C1orf105: variants seen among roughly 807,000 people sequenced by gnomAD.
C1orf105 encodes chromosome 1 open reading frame 105.
Under a neutral mutation model 20.8 loss-of-function variants are expected in C1orf105, and 17 were observed. That is an observed-to-expected ratio of 0.82 (90% confidence interval 0.56 to 1.23). C1orf105 has a LOEUF of 1.23. Ranked by LOEUF, C1orf105 falls within the 50% of genes most tolerant of loss-of-function variation. The pLI is 0.00. For missense variants in C1orf105, 219 were observed against 213.5 expected (o/e 1.03, Z -0.16); for synonymous variants, 72 against 72.1 (o/e 1.00, Z 0.01).
chr1:172,424,227 C>G (rs1374884991), intron 1 of C1orf105, among the ~76,000 whole-genome samples: 1 of 152,216 alleles, frequency 6.6e-6, no homozygotes, highest in Non-Finnish European at 1.5e-5. Context: ...CCTAAGCAAG[C>G]CGCAGAAGAC....
At chr1:172,465,742 C>T (rs1650002163) in intron 6 of C1orf105, 2 of 456,846 alleles carry the variant, frequency 4.4e-6, no homozygotes, top group Non-Finnish European at 8.8e-6. Flanking sequence ...TCAGAGCGGC[C>T]TCACCAAGGC....
chr1:172,450,543 C>A (rs1648509673), intron 3 of C1orf105, among the ~76,000 whole-genome samples: 1 of 152,344 alleles, frequency 6.6e-6, no homozygotes, highest in Non-Finnish European at 1.5e-5. Flanking sequence ...TGGACAGGAT[C>A]TCTTCCTTCA....
chr1:172,433,858 C>A (rs1339905020), intron 1 of C1orf105, among the ~76,000 whole-genome samples: 1 of 152,098 alleles, frequency 6.6e-6, no homozygotes, highest in African/African-American at 2.4e-5. Flanking sequence ...TCAGGAGACC[C>A]ATCTCACGTG....
At chr1:172,424,513 C>T (rs2071674865) in intron 1 of C1orf105, among the ~76,000 whole-genome samples, 2 of 152,182 alleles carry the variant, frequency 1.3e-5, no homozygotes, top group Admixed American at 6.5e-5. Context: ...GCCTCAGCCT[C>T]CAGAGTAGCT....
chr1:172,448,478 A>G lies in C1orf105; in HGVS notation c.145A>G (p.Lys49Glu), dbSNP rs372341692. The change falls in exon 3 of 7, where the codon AAG becomes GAG. Residue 49 changes from lysine (K) to glutamate (E), a missense_variant. By Grantham distance (56) the Lys-to-Glu change is moderately conservative. Coordinates refer to ENST00000367727, the MANE Select transcript of C1orf105 (RefSeq NM_139240.4). ...CTCTGCGACTTTTCTGACTTCATCC[A>G]AGAAGAATATGAATTTGCCAATTTT... ...HTSATFLTSSKKNMNLPILFQ... is the reference protein window; with the variant it reads ...HTSATFLTSSEKNMNLPILFQ... 1.1e-5 allele frequency: 17 copies of G among 1,613,444 alleles called. No homozygotes were observed. Among genetic ancestry groups the G allele is most frequent in the African/African-American group, 5.3e-5 (4 of 74,912 alleles).
At chr1:172,467,811 T>C (rs1650169118) in intron 6 of C1orf105, among the ~76,000 whole-genome samples, 1 of 152,224 alleles carries the variant, frequency 6.6e-6, no homozygotes, top group Non-Finnish European at 1.5e-5. Context: ...TTTCATGCAC[T>C]GGTTTACCCC....
In C1orf105 at chr1:172,456,440, T is replaced by C. The variant is rs1400326195; in HGVS notation, c.224T>C (p.Met75Thr). The C allele has an allele frequency of 1.9e-6, 3 of 1,613,456 alleles. No homozygotes were observed. The highest frequency in any genetic ancestry group is 1.3e-5 in the African/African-American group (1 of 74,948). ...GCCAGGAGGAACCAGTGTGACTCCA[T>C]GCTGCTCAGAAACCAACAGCTGTGC... ...SKARRNQCDSMLLRNQQLCST... is the reference protein window; with the variant it reads ...SKARRNQCDSTLLRNQQLCST... Residue 75 changes from methionine to threonine, a missense_variant, in exon 4 of 7, where the codon ATG becomes ACG. Physicochemically the swap from Met to Thr is moderately conservative, Grantham distance 81. Transcript: ENST00000367727.
At chr1:172,450,731 C>G (rs1219921941) in intron 3 of C1orf105, among the ~76,000 whole-genome samples, 1 of 152,172 alleles carries the variant, frequency 6.6e-6, no homozygotes, top group Non-Finnish European at 1.5e-5. Flanking sequence ...CGGAGCAGCC[C>G]CGTGCCTGAG....
chr1:172,464,044 A>G (rs1044344074), intron 5 of C1orf105, among the ~76,000 whole-genome samples: 1 of 151,988 alleles, frequency 6.6e-6, no homozygotes. Context: ...AAATGGAATT[A>G]TCTTCACTGA....
At chr1:172,441,952 G>T in intron 1 of C1orf105, 1 of 1,614,214 alleles carries the variant, frequency 6.2e-7, no homozygotes, top group Non-Finnish European at 8.5e-7. Context: ...GCTCCGGGGA[G>T]TACATGCCTT....
rs1451126192 is a variant in C1orf105 at position 172,432,806 on chromosome 1, TAAC to T, written c.21+11903_21+11905del. ...GAAGTAGGCTTCAGAAGGTCAGTAA[TAAC>T]AAACTTTTCTGAGCTAAAGAAGCAT... On this transcript the variant is annotated intron_variant, in intron 1 of 6. Transcript: ENST00000367727. Among the ~76,000 whole-genome samples, 4 of 152,242 alleles carry T rather than the reference TAAC, an allele frequency of 2.6e-5. No homozygotes were observed. The East Asian group carries it at 7.7e-4, about 29-fold the overall frequency.
intron 1 of C1orf105, among the ~76,000 whole-genome samples, chr1:172,432,901 AAC>A (rs563373778): frequency 1.2e-4 from 19 of 152,262 alleles, no homozygotes; most frequent in Admixed American, 9.8e-4. Context: ...AACTAGAATA[AAC>A]ACCATAGACA....
At chr1:172,436,412 G>C (rs1421183628) in intron 1 of C1orf105, among the ~76,000 whole-genome samples, 1 of 152,158 alleles carries the variant, frequency 6.6e-6, no homozygotes, top group Non-Finnish European at 1.5e-5. Context: ...CAATGGAACA[G>C]AACAGAGGCC....
At chr1:172,446,116 G>A (rs776865369) in intron 2 of C1orf105, among the ~76,000 whole-genome samples, 3 of 151,946 alleles carry the variant, frequency 2.0e-5, no homozygotes, top group African/African-American at 4.8e-5. Context: ...ATAGGTAGAC[G>A]GTTTTAGTAT....
Position 172,468,552 on chromosome 1 carries a change from C to T in C1orf105, c.510C>T (p.Ser170=). ...CTCTAAAAGAGAGACAACGTTCTTC[C>T]TTGCCCAGAAAGGAACCAATAGGCA... ...YKTLKERQRS[S]LPRKEPIGKT... is the part of the protein sequence containing the mutation. The change falls in exon 7 of 7, where the codon TCC becomes TCT. Residue 170 remains serine, a synonymous_variant. Coordinates refer to ENST00000367727, the MANE Select transcript of C1orf105 (RefSeq NM_139240.4). The T allele has an allele frequency of 1.2e-6, 2 of 1,613,252 alleles. No homozygotes were observed. The highest frequency in any genetic ancestry group is 1.7e-6 in the Non-Finnish European group (2 of 1,179,210).
intron 1 of C1orf105, among the ~76,000 whole-genome samples, chr1:172,432,416 T>G (rs1223537005): frequency 6.6e-6 from 1 of 152,232 alleles, no homozygotes; most frequent in East Asian, 1.9e-4. Context: ...CAGCAATGTT[T>G]GCTGTTCTGC....
At chr1:172,432,043 G>A (rs900593365) in intron 1 of C1orf105, among the ~76,000 whole-genome samples, 9 of 152,210 alleles carry the variant, frequency 5.9e-5, no homozygotes, top group Admixed American at 3.9e-4. Flanking sequence ...GGGGAGGGGC[G>A]TCCTCCATCA....
intron 1 of C1orf105, among the ~76,000 whole-genome samples, chr1:172,427,767 GCTT>G (rs1172716663): frequency 1.3e-5 from 2 of 152,030 alleles, no homozygotes; most frequent in Non-Finnish European, 2.9e-5. Context: ...AAATCTTTTT[GCTT>G]CTTCTTCGCC....
At chr1:172,430,529 C>T (rs1283523796) in intron 1 of C1orf105, among the ~76,000 whole-genome samples, 1 of 152,138 alleles carries the variant, frequency 6.6e-6, no homozygotes, top group Non-Finnish European at 1.5e-5. Context: ...CATTCTCGAC[C>T]TCCTGGGCTC....
Sources: gnomAD v4.1 joint callset for allele counts (sites outside exome capture counted in the v4.1 genomes callset) on GRCh38, gnomAD v4.1.1 for gene constraint, MANE v1.5 for transcripts, NCBI Gene and HGNC (gene_info 2026-07-23, HGNC 2026-07-21) for gene names.